Variants in IER5 observed in about 807,000 individuals in gnomAD.
IER5 encodes immediate early response gene 5 protein.
Under a neutral mutation model 8.2 loss-of-function variants are expected in IER5, and 3 were observed. The ratio of observed to expected loss-of-function variants is 0.36; its 90% CI spans 0.17 to 0.94. The LOEUF is 0.94. Among genes scored for constraint, IER5 ranks in the 40% least tolerant of loss-of-function variants. IER5 has a pLI of 0.43. For missense variants in IER5, 531 were observed against 494.3 expected (o/e 1.07, Z -0.70); for synonymous variants, 286 against 230.1 (o/e 1.24, Z -2.20).
rs1221170465 is a variant in IER5 at position 181,091,969 on chromosome 1, A to G, written c.*2083A>G. ...TTAAGCATAGGGAACTTTGTACTTT[A>G]TGCTCTGTCGCCATAATAATGTATT... On this transcript the variant is annotated 3_prime_UTR_variant, in exon 1 of 1. Coordinates refer to ENST00000367577, the MANE Select transcript of IER5 (RefSeq NM_016545.5). 4.6e-5 allele frequency: 7 copies of G among 152,328 alleles called. No individual in the cohort carries two copies. The South Asian group carries it at 1.0e-3, about 23-fold the overall frequency. The allele number at this position is 152,328 out of a possible 1,614,324, so 9.4% of individuals were successfully genotyped here. A position where few individuals can be genotyped will look rare whatever the true frequency, so the allele number is the denominator to read the frequency against.
In IER5 at chr1:181,092,043, C is replaced by T. The variant is rs1014439749; in HGVS notation, c.*2157C>T. ...TAGGGTCTTGTTAAACTGACTTTTT[C>T]TTTCAGAAAGTAGCTACTTAAATTC... is the stretch of plus-strand genomic sequence containing the variant. On this transcript the variant is annotated 3_prime_UTR_variant, in exon 1 of 1. Transcript: ENST00000367577. 2 of 152,050 alleles carry T rather than the reference C, an allele frequency of 1.3e-5. No individual in the cohort carries two copies. The highest frequency in any genetic ancestry group is 1.3e-4 in the Admixed American group (2 of 15,264). 9.4% of individuals were successfully genotyped at this position (152,050 alleles called of 1,614,324 possible).
chr1:181,089,261 C>T lies in IER5; in HGVS notation c.359C>T (p.Ala120Val). 2 of 1,555,860 alleles carry T rather than the reference C, an allele frequency of 1.3e-6. No homozygotes were observed. The highest frequency in any genetic ancestry group is 8.7e-7 in the Non-Finnish European group (1 of 1,153,172). The change falls in exon 1 of 1, where the codon GCC becomes GTC. Residue 120 changes from alanine to valine, a missense_variant. Ala to Val is a moderately conservative substitution (Grantham distance 64). Coordinates refer to ENST00000367577, the MANE Select transcript of IER5 (RefSeq NM_016545.5). ...CGGGTAGGGGACGAGGTGCCGGTGG[C>T]CACGGTGACTGGAGTCGGGGACGTT... ...APRVGDEVPV[A>V]TVTGVGDVFQ...
Position 181,088,882 on chromosome 1 carries a change from G to A in IER5, c.-21G>A. ...CCAAACGTGTCACCCCGGCGCCGAC[G>A]GCCCTGTGCAGGGGAAGCAGATGGA... On this transcript the variant is annotated 5_prime_UTR_variant, in exon 1 of 1. Coordinates refer to ENST00000367577, the MANE Select transcript of IER5 (RefSeq NM_016545.5). The A allele has an allele frequency of 6.4e-7, 1 of 1,566,378 alleles. No individual in the cohort carries two copies. Among genetic ancestry groups the A allele is most frequent in the Non-Finnish European group, 8.7e-7 (1 of 1,149,816 alleles).
Position 181,089,397 on chromosome 1 carries a change from C to A in IER5, c.495C>A (p.Phe165Leu). 2 of 1,463,288 alleles carry A rather than the reference C, an allele frequency of 1.4e-6. No homozygotes were observed. The highest frequency in any genetic ancestry group is 1.8e-6 in the Non-Finnish European group (2 of 1,105,002). 90.6% of individuals were successfully genotyped at this position (1,463,288 alleles called of 1,614,324 possible). A position where few individuals can be genotyped will look rare whatever the true frequency, so the allele number is the denominator to read the frequency against. Residue 165 changes from phenylalanine (F) to leucine (L), a missense_variant, in exon 1 of 1, where the codon TTC becomes TTA. Transcript: ENST00000367577. Reference protein sequence around the residue: ...AEGTAGGWGVFPEVSRAARRP... With the variant: ...AEGTAGGWGVLPEVSRAARRP... Reference sequence around the variant, plus strand: ...GTACCGCCGGAGGCTGGGGCGTCTTCCCCGAGGTATCTCGTGCCGCGCGCC... The same window carrying A: ...GTACCGCCGGAGGCTGGGGCGTCTTACCCGAGGTATCTCGTGCCGCGCGCC...
rs1167388648 is a variant in IER5 at position 181,092,028 on chromosome 1, T to C, written c.*2142T>C. 6.6e-6 allele frequency: 1 copy of C among 152,216 alleles called. No homozygotes were observed. Among genetic ancestry groups the C allele is most frequent in the Non-Finnish European group, 1.5e-5 (1 of 68,042 alleles). The allele number at this position is 152,216 out of a possible 1,614,324, so 9.4% of individuals were successfully genotyped here. On this transcript the variant is annotated 3_prime_UTR_variant, in exon 1 of 1. Coordinates refer to ENST00000367577, the MANE Select transcript of IER5 (RefSeq NM_016545.5). ...TAAACATTCTCAAATTAGGGTCTTG[T>C]TAAACTGACTTTTTCTTTCAGAAAG...
rs113028155 is a variant in IER5, at chr1:181,089,136, G to A, written c.234G>A (p.Gly78=). 15 of 1,395,304 alleles carry A rather than the reference G, an allele frequency of 1.1e-5. No individual in the cohort carries two copies. Among genetic ancestry groups the A allele is most frequent in the Non-Finnish European group, 1.4e-5 (15 of 1,077,446 alleles). 86.4% of individuals were successfully genotyped at this position (1,395,304 alleles called of 1,614,324 possible). A position where few individuals can be genotyped will look rare whatever the true frequency, so the allele number is the denominator to read the frequency against. The change falls in exon 1 of 1, where the codon GGG becomes GGA. Residue 78 remains glycine (G), a synonymous_variant. Coordinates refer to ENST00000367577, the MANE Select transcript of IER5 (RefSeq NM_016545.5). ...AGCAGCCCGGGGAGCCGGCGGCCGG[G>A]CCACCCGCCGGCTGGGGAGAGCCGC... The part of the protein sequence containing the change: ...PQQQPGEPAA[G]PPAGWGEPPP...
In IER5 at chr1:181,089,906, G is replaced by C. The variant is rs1349317605; in HGVS notation, c.*20G>C. On this transcript the variant is annotated 3_prime_UTR_variant, in exon 1 of 1. Transcript: ENST00000367577. ...TTCTGAGCCCTTGGCCCCCCTGCGG[G>C]GAGGAGGTGGAGCAGCGGGCGTCCC... 6.2e-7 allele frequency: 1 copy of C among 1,607,156 alleles called. No homozygotes were observed. The highest frequency in any genetic ancestry group is 8.5e-7 in the Non-Finnish European group (1 of 1,178,366).
chr1:181,089,078 G>A lies in IER5; in HGVS notation c.176G>A (p.Gly59Asp). Residue 59 changes from glycine to aspartate, a missense_variant, in exon 1 of 1, where the codon GGT (glycine) becomes GAT (aspartate). By Grantham distance (94) the Gly-to-Asp change is moderately conservative (BLOSUM62 -1). Coordinates refer to ENST00000367577, the MANE Select transcript of IER5 (RefSeq NM_016545.5). Reference protein sequence around the residue: ...SDPCPGLYLAGPAGTPAPPPQ... With the variant: ...SDPCPGLYLADPAGTPAPPPQ... ...CCGTGCCCCGGCCTCTACCTGGCCG[G>A]TCCCGCTGGGACCCCGGCGCCGCCA... The A allele has an allele frequency of 1.3e-6, 2 of 1,571,694 alleles. No individual in the cohort carries two copies. Among genetic ancestry groups the A allele is most frequent in the Non-Finnish European group, 1.7e-6 (2 of 1,161,650 alleles).
rs1027907973 is a variant in IER5 at position 181,092,716 on chromosome 1, T to C, written c.*2830T>C. 3 of 152,322 alleles carry C rather than the reference T, an allele frequency of 2.0e-5. No individual in the cohort carries two copies. In the South Asian group the frequency reaches 6.2e-4, roughly 32 times the overall value. The allele number at this position is 152,322 out of a possible 1,614,324, so 9.4% of individuals were successfully genotyped here. On this transcript the variant is annotated 3_prime_UTR_variant, in exon 1 of 1. Transcript: ENST00000367577. ...TAAAATTGGGATAATTGGATCTGTC[T>C]CATAGGGTTGTGAAAATTAATGAGT... is the stretch of plus-strand genomic sequence containing the variant.
In IER5 at chr1:181,090,026, A is replaced by G. The variant is rs1659433263; in HGVS notation, c.*140A>G. ...AGACTGGTTGCCTCTGGGCATCGCA[A>G]ACTGCCCCCGGGCGCATCTGGCTTA... On this transcript the variant is annotated 3_prime_UTR_variant, in exon 1 of 1. Transcript: ENST00000367577. 1.0e-5 allele frequency: 11 copies of G among 1,085,900 alleles called. No homozygotes were observed. The South Asian group carries it at 1.5e-4, about 15-fold the overall frequency. The allele number at this position is 1,085,900 out of a possible 1,614,324, so 67.3% of individuals were successfully genotyped here. A position where few individuals can be genotyped will look rare whatever the true frequency, so the allele number is the denominator to read the frequency against.
chr1:181,089,852 T>G lies in IER5; in HGVS notation c.950T>G (p.Met317Arg), dbSNP rs1268740294. The G allele has an allele frequency of 2.5e-6, 4 of 1,613,244 alleles. No homozygotes were observed. Among genetic ancestry groups the G allele is most frequent in the East Asian group, 2.2e-5 (1 of 44,830 alleles). ...TGCGATAAGCCGGTGCTGAGAGACA[T>G]GAACCCCTGGAGCACAGCCATCGTG... ...ICCDKPVLRD[M>R]NPWSTAIVAF The change falls in exon 1 of 1, where the codon ATG becomes AGG. Residue 317 changes from methionine to arginine, a missense_variant. Physicochemically the swap from Met to Arg is moderately conservative, Grantham distance 91. Transcript: ENST00000367577.
rs906059547 is a variant in IER5, at chr1:181,092,349, G to A, written c.*2463G>A. 1 of 151,524 alleles carries A rather than the reference G, an allele frequency of 6.6e-6. No homozygotes were observed. Among genetic ancestry groups the A allele is most frequent in the East Asian group, 1.9e-4 (1 of 5,188 alleles). The allele number at this position is 151,524 out of a possible 1,614,324, so 9.4% of individuals were successfully genotyped here. On this transcript the variant is annotated 3_prime_UTR_variant, in exon 1 of 1. Coordinates refer to ENST00000367577, the MANE Select transcript of IER5 (RefSeq NM_016545.5). ...TTGGCATACTTGATAGGAGGATAAA[G>A]CTTTGTAGGAATTAGAAAAGATCAT...
Position 181,089,266 on chromosome 1 carries a change from G to A in IER5, c.364G>A (p.Val122Met), listed in dbSNP as rs148618379. ...RVGDEVPVAT[V>M]TGVGDVFQGG... The stretch of plus-strand genomic sequence containing the variant: ...AGGGGACGAGGTGCCGGTGGCCACG[G>A]TGACTGGAGTCGGGGACGTTTTTCA... Residue 122 changes from valine (V) to methionine (M), a missense_variant, in exon 1 of 1, where the codon GTG becomes ATG. Val to Met is a conservative substitution (Grantham distance 21, BLOSUM62 1). Transcript: ENST00000367577. 1.0e-5 allele frequency: 16 copies of A among 1,558,806 alleles called. No individual in the cohort carries two copies. The highest frequency in any genetic ancestry group is 1.4e-5 in the African/African-American group (1 of 70,508).
Position 181,089,673 on chromosome 1 carries a change from C to T in IER5, c.771C>T (p.Asp257=), listed in dbSNP as rs369310820. 44 of 1,613,100 alleles carry T rather than the reference C, an allele frequency of 2.7e-5. No individual in the cohort carries two copies. The highest frequency in any genetic ancestry group is 3.6e-5 in the Non-Finnish European group (42 of 1,179,966). The change falls in exon 1 of 1, where the codon GAC becomes GAT. Residue 257 remains aspartate, a synonymous_variant. Transcript: ENST00000367577. ...CGCCGAGTGGAGGAGAGGACGACGA[C>T]GCGGAGGAGATGGAGACCGGGAACG... ...EQPPSGGEDD[D]AEEMETGNVA...
rs1038348824 is a variant in IER5 at position 181,089,238 on chromosome 1, G to C, written c.336G>C (p.Arg112=). The change falls in exon 1 of 1, where the codon CGG becomes CGC. Residue 112 remains arginine, a synonymous_variant. Transcript: ENST00000367577. ...PERSSVSDAP[R]VGDEVPVATV... ...GCTCCTCCGTCTCAGACGCGCCGCGGGTAGGGGACGAGGTGCCGGTGGCCA... is the reference window on the plus strand; with the variant it reads ...GCTCCTCCGTCTCAGACGCGCCGCGCGTAGGGGACGAGGTGCCGGTGGCCA... 1 of 1,549,478 alleles carries C rather than the reference G, an allele frequency of 6.5e-7. No homozygotes were observed.
In IER5 at chr1:181,088,829, G is replaced by A. The variant is rs1017148210; in HGVS notation, c.-74G>A. On this transcript the variant is annotated 5_prime_UTR_variant, in exon 1 of 1. Transcript: ENST00000367577. ...GAGGGTGTGCCCAGGGGGCGGACTT[G>A]TTTGCGCCTCCCGTTCCCTCCCAAT... 1.4e-6 allele frequency: 2 copies of A among 1,466,360 alleles called. No homozygotes were observed. The highest frequency in any genetic ancestry group is 1.8e-5 in the Admixed American group (1 of 54,500). The allele number at this position is 1,466,360 out of a possible 1,614,324, so 90.8% of individuals were successfully genotyped here. A position where few individuals can be genotyped will look rare whatever the true frequency, so the allele number is the denominator to read the frequency against.
In IER5 at chr1:181,089,836, C is replaced by T; in HGVS notation, c.934C>T (p.Pro312Ser). The change falls in exon 1 of 1, where the codon CCG becomes TCG. Residue 312 changes from proline to serine, a missense_variant. Transcript: ENST00000367577. ...GCCCGGGCAGATCTGCTGCGATAAG[C>T]CGGTGCTGAGAGACATGAACCCCTG... The part of the protein sequence containing the change: ...AEPGQICCDK[P>S]VLRDMNPWST... 2.5e-6 allele frequency: 4 copies of T among 1,613,556 alleles called. No homozygotes were observed. Among genetic ancestry groups the T allele is most frequent in the Non-Finnish European group, 3.4e-6 (4 of 1,179,900 alleles).
In IER5 at chr1:181,089,749, A is replaced by G; in HGVS notation, c.847A>G (p.Lys283Glu). The stretch of plus-strand genomic sequence containing the variant: ...TTCCAGTTTCTCGGGACTCCTACGG[A>G]AAAGCCCCGGGGGCGGCAGAGAGGA... ...FGSSFSGLLRKSPGGGREEEE... is the reference protein window; with the variant it reads ...FGSSFSGLLRESPGGGREEEE... Residue 283 changes from lysine to glutamate, a missense_variant, in exon 1 of 1, where the codon AAA becomes GAA. Lys to Glu is a moderately conservative substitution (Grantham distance 56). Coordinates refer to ENST00000367577, the MANE Select transcript of IER5 (RefSeq NM_016545.5). 2 of 1,613,908 alleles carry G rather than the reference A, an allele frequency of 1.2e-6. No individual in the cohort carries two copies. The highest frequency in any genetic ancestry group is 1.7e-6 in the Non-Finnish European group (2 of 1,179,964).
Position 181,088,793 on chromosome 1 carries a change from C to A in IER5, c.-110C>A. ...CACCAGAGTCGTTTCTCTTCGGAGT[C>A]TTAGGTGATCGAGGGTGTGCCCAGG... On this transcript the variant is annotated 5_prime_UTR_variant, in exon 1 of 1. Coordinates refer to ENST00000367577, the MANE Select transcript of IER5 (RefSeq NM_016545.5). The A allele has an allele frequency of 2.7e-5, 16 of 591,660 alleles. No homozygotes were observed. The highest frequency in any genetic ancestry group is 9.7e-5 in the East Asian group (2 of 20,604). 36.7% of individuals were successfully genotyped at this position (591,660 alleles called of 1,614,324 possible).
Sources: gnomAD v4.1 joint callset for allele counts on GRCh38, gnomAD v4.1.1 for gene constraint, MANE v1.5 for transcripts, NCBI Gene and HGNC (gene_info 2026-07-23, HGNC 2026-07-21) for gene names.